The following OCIAD1 variants were observed in gnomAD, a reference collection of about 807,000 sequenced individuals.
The protein encoded by OCIAD1 is OCIA domain-containing protein 1.
In OCIAD1, 29 loss-of-function variants were observed where a neutral mutation model predicts 38.9. The observed-to-expected ratio is 0.74, with a 90% CI of 0.55 to 1.02. The LOEUF is 1.02. Ranked by LOEUF, OCIAD1 falls within the 50% of genes least tolerant of loss-of-function variation. The probability of loss-of-function intolerance (pLI) is 0.00; values close to 1 mark genes in which losing one functional copy is unlikely to be tolerated. For synonymous variants in OCIAD1, 110 were observed against 92.0 expected (o/e 1.20, Z -1.12); for missense variants, 288 against 289.6 (o/e 0.99, Z 0.04).
At chr4:48,817,329 C>T (rs1200490626) in intron 1 of OCIAD1, among the ~76,000 whole-genome samples, 12 of 149,110 alleles carry the variant, frequency 8.0e-5, no homozygotes, top group South Asian at 6.5e-4. Context: ...CAAAACTGGG[C>T]GGCTGTTTGG....
rs397881494 is a variant in OCIAD1 at position 48,812,282 on chromosome 4, C to CAAAAAAAAAAAAAAAAA, written c.-103+6970_-103+6986dup. ...TGGGCAACAGAGTGAGAGTTGGTCT[C>CAAAAAAAAAAAAAAAAA]AAAAAAAAAAAAAAAAAAAAAAAAA... On this transcript the variant is annotated intron_variant, in intron 1 of 6. Transcript: ENST00000504654. 2.8e-4 allele frequency among the ~76,000 whole-genome samples: 7 copies of CAAAAAAAAAAAAAAAAA among 25,076 alleles called. 2 individuals are homozygous for CAAAAAAAAAAAAAAAAA. The highest frequency in any genetic ancestry group is 6.0e-4 in the African/African-American group (3 of 5,042). The allele number at this position is 25,076 out of a possible 152,430, so 16.5% of individuals were successfully genotyped here.
intron 3 of OCIAD1, among the ~76,000 whole-genome samples, chr4:48,842,417 T>C (rs1246855024): frequency 1.3e-5 from 2 of 152,254 alleles, no homozygotes; most frequent in African/African-American, 4.8e-5. Flanking sequence ...ATGAATTATA[T>C]TGTTTAATAT....
chr4:48,858,626 A>AT (rs1560444196), intron 8 of OCIAD1, among the ~76,000 whole-genome samples: 3 of 151,790 alleles, frequency 2.0e-5, no homozygotes, highest in African/African-American at 7.3e-5. Context: ...GCTGTTAAAA[A>AT]TTTTTTTTGG....
intron 1 of OCIAD1, among the ~76,000 whole-genome samples, chr4:48,819,788 C>G (rs1332325686): frequency 3.4e-5 from 4 of 118,866 alleles, no homozygotes; most frequent in Non-Finnish European, 7.2e-5. Context: ...GACTTTAAAC[C>G]AACAAAGATA....
At position 48,851,787 on chromosome 4, in the gene OCIAD1, A is replaced by G. The variant is rs148954069; in HGVS notation, c.378-19A>G. On this transcript the variant is annotated intron_variant, in intron 6 of 8. Transcript: ENST00000264312. The stretch of plus-strand genomic sequence containing the variant: ...GCAATGACTCATATTTCTTACTACA[A>G]TATGATTTTCATTTACAGGCACTAT... The G allele has an allele frequency of 4.4e-4, 641 of 1,451,970 alleles. 8 individuals are homozygous for G. The East Asian group carries it at 0.01, about 24-fold the overall frequency. 89.9% of individuals were successfully genotyped at this position (1,451,970 alleles called of 1,614,324 possible). A position where few individuals can be genotyped will look rare whatever the true frequency, so the allele number is the denominator to read the frequency against.
chr4:48,842,205 AC>A (rs1218575991), intron 3 of OCIAD1, among the ~76,000 whole-genome samples: 3 of 152,244 alleles, frequency 2.0e-5, no homozygotes, highest in African/African-American at 4.8e-5. Context: ...GAGATAATGC[AC>A]ATAAGGCGCT....
At chr4:48,817,081 G>A (rs757731267) in intron 1 of OCIAD1, among the ~76,000 whole-genome samples, 1 of 152,186 alleles carries the variant, frequency 6.6e-6, no homozygotes, top group South Asian at 2.1e-4. Flanking sequence ...ATTTCCAGCT[G>A]AGGCACCCAG....
In OCIAD1 at chr4:48,814,265, C is replaced by T. The variant is rs1777121062; in HGVS notation, c.-103+8935C>T. 3.3e-5 allele frequency among the ~76,000 whole-genome samples: 5 copies of T among 149,846 alleles called. 2 individuals carry two copies. On this transcript the variant is annotated intron_variant, in intron 1 of 6. Transcript: ENST00000504654. ...TTTTTTTTTTTTTTTTAATCCTTGC[C>T]TCTGCCTGAAAATGAAACTGTCCAA...
upstream of OCIAD1, among the ~76,000 whole-genome samples, chr4:48,828,168 GT>G (rs1420917712): frequency 6.6e-6 from 1 of 152,074 alleles, no homozygotes; most frequent in Non-Finnish European, 1.5e-5. Context: ...CTAGCTCAAG[GT>G]TTGTAAATGC....
At chr4:48,842,264 T>TGTAA (rs1194505871) in intron 3 of OCIAD1, among the ~76,000 whole-genome samples, 5 of 152,256 alleles carry the variant, frequency 3.3e-5, no homozygotes, top group Admixed American at 3.3e-4. Context: ...GGTTCTTACT[T>TGTAA]GTAACTTGTT....
chr4:48,808,512 G>A (rs1206358569), intron 1 of OCIAD1, among the ~76,000 whole-genome samples: 1 of 151,970 alleles, frequency 6.6e-6, no homozygotes, highest in Non-Finnish European at 1.5e-5. Context: ...AAAAGATGGT[G>A]CCTCAAGGGA....
chr4:48,833,112 G>C (rs1230574750), intron 2 of OCIAD1, among the ~76,000 whole-genome samples: 1 of 152,034 alleles, frequency 6.6e-6, no homozygotes, highest in Non-Finnish European at 1.5e-5. Flanking sequence ...TTAGCCTGGC[G>C]TGGTGATGGG....
At chr4:48,810,491 AGAGAT>A (rs1267695998) in intron 1 of OCIAD1, among the ~76,000 whole-genome samples, 1 of 150,420 alleles carries the variant, frequency 6.6e-6, no homozygotes, top group Non-Finnish European at 1.5e-5. Context: ...AAAAAAAAAA[AGAGAT>A]GAGATCTTGC....
At chr4:48,844,943 A>G (rs1213037530) in intron 4 of OCIAD1, among the ~76,000 whole-genome samples, 1 of 152,108 alleles carries the variant, frequency 6.6e-6, no homozygotes. Flanking sequence ...AAGTCTGTAC[A>G]TGTTTAGTAT....
chr4:48,827,974 T>C (rs975731540), upstream of OCIAD1, among the ~76,000 whole-genome samples: 2 of 151,740 alleles, frequency 1.3e-5, no homozygotes, highest in Non-Finnish European at 2.9e-5. Flanking sequence ...GCTACTCTGG[T>C]GGGGACTTGG....
intron 4 of OCIAD1, among the ~76,000 whole-genome samples, chr4:48,845,604 T>G (rs1256529772): frequency 1.3e-5 from 2 of 152,242 alleles, no homozygotes; most frequent in African/African-American, 4.8e-5. Flanking sequence ...TTTTTTTGTC[T>G]AGTTGTTTGG....
intron 1 of OCIAD1, among the ~76,000 whole-genome samples, chr4:48,823,014 A>G (rs755513414): frequency 3.3e-5 from 5 of 152,206 alleles, no homozygotes; most frequent in Non-Finnish European, 5.9e-5. Context: ...AAGAAATACC[A>G]TTTGACCCAG....
At chr4:48,814,711 C>T (rs1289194233) in intron 1 of OCIAD1, among the ~76,000 whole-genome samples, 1 of 152,062 alleles carries the variant, frequency 6.6e-6, no homozygotes, top group Non-Finnish European at 1.5e-5. Flanking sequence ...TCTCTCTTTT[C>T]CAAACTCCTT....
At position 48,858,589 on chromosome 4, in the gene OCIAD1, G is replaced by A. The variant is rs1341009973; in HGVS notation, c.700+1224G>A. Among the ~76,000 whole-genome samples the A allele has an allele frequency of 3.9e-5, 6 of 152,250 alleles. No individual in the cohort carries two copies. The East Asian group carries it at 1.2e-3, about 29-fold the overall frequency. ...CTACCTCAGCTTCCTGAGTAGCTGGGACTACAGTTGTATGCCACCATCCCT... is the reference window on the plus strand; with the variant it reads ...CTACCTCAGCTTCCTGAGTAGCTGGAACTACAGTTGTATGCCACCATCCCT... On this transcript the variant is annotated intron_variant, in intron 8 of 8. Transcript: ENST00000264312.
Sources: gnomAD v4.1 joint callset for allele counts (sites outside exome capture counted in the v4.1 genomes callset) on GRCh38, gnomAD v4.1.1 for gene constraint, MANE v1.5 for transcripts, NCBI Gene and HGNC (gene_info 2026-07-23, HGNC 2026-07-21) for gene names.